The following BLVRB variants were observed in gnomAD, a reference collection of about 807,000 sequenced individuals.
BLVRB encodes biliverdin reductase B.
In BLVRB, 25 loss-of-function variants were observed where a neutral mutation model predicts 21.1. That is an observed-to-expected ratio of 1.19 (90% CI 0.86 to 1.66). The LOEUF is 1.66. BLVRB is among the 40% of genes most tolerant of loss of function. The pLI is 0.00. For synonymous variants in BLVRB, 128 were observed against 122.2 expected (o/e 1.05, Z -0.31); for missense variants, 274 against 282.7 (o/e 0.97, Z 0.22).
chr19:40,455,888 G>T (rs111395426), intron 3 of BLVRB, among the ~76,000 whole-genome samples: 1,666 of 152,204 alleles, frequency 0.011, 33 homozygotes, highest in African/African-American at 0.038. Flanking sequence ...GAGGCTGGTG[G>T]ATCGCTTGAG....
intron 4 of BLVRB, among the ~76,000 whole-genome samples, chr19:40,450,018 T>G (rs2079731941): frequency 6.7e-6 from 1 of 149,582 alleles, no homozygotes. Context: ...GCCAATATGG[T>G]GAAACCCCGT....
intron 3 of BLVRB, among the ~76,000 whole-genome samples, chr19:40,452,895 C>CAAAA (rs929315680): frequency 4.4e-5 from 2 of 45,310 alleles, no homozygotes; most frequent in Admixed American, 1.6e-4. Flanking sequence ...CAAAACAAAA[C>CAAAA]AAAAAAAACA....
At chr19:40,453,645 G>A (rs1339037881) in intron 3 of BLVRB, among the ~76,000 whole-genome samples, 1 of 152,154 alleles carries the variant, frequency 6.6e-6, no homozygotes, top group African/African-American at 2.4e-5. Flanking sequence ...GTCAAGTACT[G>A]GATCGACCAC....
chr19:40,456,482 T>G (rs1253421524), intron 3 of BLVRB, among the ~76,000 whole-genome samples: 2 of 151,110 alleles, frequency 1.3e-5, no homozygotes, highest in Non-Finnish European at 2.9e-5. Flanking sequence ...CTTTAATATT[T>G]AGAAAACAAT....
intron 1 of BLVRB, among the ~76,000 whole-genome samples, chr19:40,464,288 C>A (rs1294911223): frequency 6.6e-6 from 1 of 151,768 alleles, no homozygotes; most frequent in Non-Finnish European, 1.5e-5. Context: ...GAGATGGGGT[C>A]TTGCTACGTT....
intron 1 of BLVRB, among the ~76,000 whole-genome samples, chr19:40,461,551 G>A (rs1236151332): frequency 6.7e-6 from 1 of 150,138 alleles, no homozygotes; most frequent in Non-Finnish European, 1.5e-5. Context: ...CCAGTCTGGA[G>A]TGCAGTGGTG....
chr19:40,458,021 G>T (rs1371877028), intron 3 of BLVRB, 134 bp downstream of exon 3: 6 of 872,828 alleles, frequency 6.9e-6, no homozygotes, highest in Non-Finnish European at 1.1e-5. Context: ...CACCCAGTAA[G>T]GTTCAGGCAC....
At chr19:40,464,595 C>A (rs2079802630) in intron 1 of BLVRB, among the ~76,000 whole-genome samples, 1 of 152,160 alleles carries the variant, frequency 6.6e-6, no homozygotes, top group African/African-American at 2.4e-5. Context: ...CTCTCTCTTA[C>A]TTCCTTCTCC....
intron 4 of BLVRB, among the ~76,000 whole-genome samples, chr19:40,448,988 G>C (rs945758733): frequency 1.3e-5 from 2 of 151,944 alleles, no homozygotes; most frequent in African/African-American, 4.8e-5. Context: ...TTGGGCAGGA[G>C]AATCACTTGA....
At chr19:40,460,394 A>C (rs1055380408) in intron 1 of BLVRB, among the ~76,000 whole-genome samples, 16 of 150,322 alleles carry the variant, frequency 1.1e-4, no homozygotes, top group African/African-American at 3.9e-4. Flanking sequence ...TTGGGAGGCC[A>C]AGACAGGAAG....
chr19:40,458,563 C>T lies in BLVRB; in HGVS notation c.80-18G>A, dbSNP rs1568739725. 1 of 1,579,606 alleles carries T rather than the reference C, an allele frequency of 6.3e-7. No homozygotes were observed. The highest frequency in any genetic ancestry group is 1.7e-5 in the Admixed American group (1 of 57,280). On this transcript the variant is annotated intron_variant, in intron 1 of 4. Transcript: ENST00000263368. ...TTCGTAACCTGTGGGCAAAGAGGAG[C>T]AGAGAGCCTGGTCAGTGGGCTGGCA...
At chr19:40,452,885 C>CAAAAA (rs2079746162) in intron 3 of BLVRB, among the ~76,000 whole-genome samples, 1 of 94,518 alleles carries the variant, frequency 1.1e-5, no homozygotes, top group Admixed American at 9.6e-5. Context: ...CAGAACAAAA[C>CAAAAA]AAAACAAAAC....
intron 1 of BLVRB, among the ~76,000 whole-genome samples, chr19:40,464,728 G>C (rs913050903): frequency 1.3e-5 from 2 of 152,214 alleles, no homozygotes; most frequent in Non-Finnish European, 2.9e-5. Flanking sequence ...TATGGACCTA[G>C]AGAAGAACTT....
intron 1 of BLVRB, among the ~76,000 whole-genome samples, 196 bp downstream of exon 1, chr19:40,465,414 C>CT (rs2079807765): frequency 6.6e-6 from 1 of 152,236 alleles, no homozygotes; most frequent in Non-Finnish European, 1.5e-5. Flanking sequence ...TCCTCTCTGG[C>CT]TTGGACTCAC....
At chr19:40,452,541 CATG>C (rs1196358696) in intron 3 of BLVRB, among the ~76,000 whole-genome samples, 1 of 151,456 alleles carries the variant, frequency 6.6e-6, no homozygotes, top group Admixed American at 6.6e-5. Context: ...AGTGCAATGG[CATG>C]ATACCGGCCA....
intron 1 of BLVRB, among the ~76,000 whole-genome samples, chr19:40,461,437 C>T (rs756591890): frequency 3.9e-5 from 6 of 152,216 alleles, no homozygotes; most frequent in African/African-American, 9.6e-5. Context: ...CCAGGCCCCT[C>T]GGGATCTGGC....
At position 40,458,160 on chromosome 19, in the gene BLVRB, GTGCAGGCCACGACC is replaced by G. The variant is rs1171589418; in HGVS notation, c.315_328del (p.Lys105AsnfsTer21). On this transcript the variant is annotated frameshift_variant, in exon 3 of 5. Transcript: ENST00000263368. LOFTEE classifies it high-confidence loss of function. ...TCCATGATCCCACCACCCACCCGAG[GTGCAGGCCACGACC>G]TTGTCCACACCATGAGCCTTCATGG... is the stretch of plus-strand genomic sequence containing the variant. The G allele has an allele frequency of 6.2e-7, 1 of 1,613,724 alleles. No homozygotes were observed. The highest frequency in any genetic ancestry group is 8.5e-7 in the Non-Finnish European group (1 of 1,179,874).
In BLVRB at chr19:40,458,526, C is replaced by T. The variant is rs1390909933; in HGVS notation, c.99G>A (p.Leu33=). Residue 33 remains leucine (L), a synonymous_variant, in exon 2 of 5, where the codon CTG becomes CTA. Coordinates refer to ENST00000263368, the MANE Select transcript of BLVRB (RefSeq NM_000713.3). ...ATGGCAGCCTGGAGGAGTCCCGCAC[C>T]AGCACTGTCACTTCGTAACCTGTGG... is the stretch of plus-strand genomic sequence containing the variant. ...AVQAGYEVTV[L]VRDSSRLPSE... 1 of 1,609,784 alleles carries T rather than the reference C, an allele frequency of 6.2e-7. No homozygotes were observed. Among genetic ancestry groups the T allele is most frequent in the Non-Finnish European group, 8.5e-7 (1 of 1,178,062 alleles).
At chr19:40,460,653 T>G (rs544289577) in intron 1 of BLVRB, among the ~76,000 whole-genome samples, 16 of 149,098 alleles carry the variant, frequency 1.1e-4, no homozygotes, top group Non-Finnish European at 2.2e-4. Context: ...AACAAAAAGT[T>G]TAGGCTACTA....
Sources: gnomAD v4.1 joint callset for allele counts (sites outside exome capture counted in the v4.1 genomes callset) on GRCh38, gnomAD v4.1.1 for gene constraint, MANE v1.5 for transcripts, NCBI Gene and HGNC (gene_info 2026-07-23, HGNC 2026-07-21) for gene names.